Variants in OOSP4B observed in about 807,000 individuals in gnomAD.
The protein encoded by OOSP4B is oocyte-secreted protein 4B.
intron 1 of OOSP4B, chr11:60,021,648 A>G (rs1428541677): frequency 6.6e-6 from 1 of 152,230 alleles, no homozygotes; most frequent in African/African-American, 2.4e-5. Flanking sequence ...AAATGAAGAC[A>G]TTATCTGTCC....
intron 2 of OOSP4B, among the ~76,000 whole-genome samples, chr11:60,024,680 A>G (rs551000160): frequency 1.8e-4 from 27 of 152,332 alleles, no homozygotes; most frequent in African/African-American, 6.3e-4. Context: ...ACAGACCCAG[A>G]GACAATTTTC....
At chr11:60,022,450 T>A (rs746976349) in intron 1 of OOSP4B, 9 of 152,118 alleles carry the variant, frequency 5.9e-5, no homozygotes, top group Admixed American at 1.3e-4. Context: ...AGGAAAATGG[T>A]TTCTCAAAAT....
At position 60,030,791 on chromosome 11, in the gene OOSP4B, CT is replaced by C. The variant is rs1380666227; in HGVS notation, c.451-10del. 4 of 398,072 alleles carry C rather than the reference CT, an allele frequency of 1.0e-5. No individual in the cohort carries two copies. The highest frequency in any genetic ancestry group is 2.1e-5 in the African/African-American group (1 of 48,574). 24.7% of individuals were successfully genotyped at this position (398,072 alleles called of 1,614,324 possible). ...AGCAGCTCTTAACTGCTTTTCCCCC[CT>C]ATCCTACAGGAGCAACTATCCAAGA... On this transcript the variant is annotated splice_polypyrimidine_tract_variant and intron_variant, in intron 4 of 4. Transcript: ENST00000642343.
In OOSP4B at chr11:60,030,665, A is replaced by G. The variant is rs574514729; in HGVS notation, c.451-137A>G. 2.6e-4 allele frequency: 104 copies of G among 395,116 alleles called. 2 individuals are homozygous for G. The South Asian group carries it at 0.013, about 51-fold the overall frequency. 24.5% of individuals were successfully genotyped at this position (395,116 alleles called of 1,614,324 possible). The stretch of plus-strand genomic sequence containing the variant: ...ATATAGCTGGTTAGTTCCATAGATT[A>G]CATTTTAGGGTAGAAATGTGATTTT... On this transcript the variant is annotated intron_variant, in intron 4 of 4. Transcript: ENST00000642343.
At chr11:60,029,285 C>G (rs955728107) in intron 3 of OOSP4B, among the ~76,000 whole-genome samples, 1 of 152,150 alleles carries the variant, frequency 6.6e-6, no homozygotes, top group African/African-American at 2.4e-5. Context: ...ACTACAACTC[C>G]TAAGATAGGA....
intron 1 of OOSP4B, among the ~76,000 whole-genome samples, 191 bp downstream of exon 1, chr11:60,017,604 T>C (rs1280431270): frequency 6.6e-6 from 1 of 152,222 alleles, no homozygotes; most frequent in Admixed American, 6.5e-5. Context: ...CTGTTTCTAT[T>C]ACTCAGTTAA....
intron 1 of OOSP4B, 120 bp downstream of exon 1, chr11:60,017,533 C>T (rs547922777): frequency 5.0e-6 from 2 of 397,012 alleles, no homozygotes; most frequent in East Asian, 7.1e-5. Flanking sequence ...TAAAACACTG[C>T]TGTGTAAAAA....
intron 3 of OOSP4B, among the ~76,000 whole-genome samples, chr11:60,027,205 C>T (rs1448110022): frequency 6.6e-6 from 1 of 152,100 alleles, no homozygotes. Context: ...TGGGAATGAA[C>T]ACTACAGCTC....
At chr11:60,023,664 C>T (rs1343018024) in intron 1 of OOSP4B, among the ~76,000 whole-genome samples, 1 of 152,188 alleles carries the variant, frequency 6.6e-6, no homozygotes. Context: ...GAACTCCTGA[C>T]CTCAGGTGAT....
intron 2 of OOSP4B, among the ~76,000 whole-genome samples, chr11:60,024,347 C>T (rs982540993): frequency 1.3e-5 from 2 of 152,168 alleles, no homozygotes; most frequent in African/African-American, 4.8e-5. Flanking sequence ...TGAGACCAAC[C>T]TGGTCAACAT....
At chr11:60,018,721 T>G (rs1046689894) in intron 1 of OOSP4B, among the ~76,000 whole-genome samples, 1 of 152,232 alleles carries the variant, frequency 6.6e-6, no homozygotes, top group African/African-American at 2.4e-5. Flanking sequence ...CAGACTTGGC[T>G]TCTCTGTTAC....
intron 1 of OOSP4B, among the ~76,000 whole-genome samples, chr11:60,021,840 T>C (rs534838213): frequency 6.6e-6 from 1 of 151,996 alleles, no homozygotes; most frequent in East Asian, 1.9e-4. Flanking sequence ...AAAAAGTAGC[T>C]GGGTGTGGTG....
At chr11:60,020,931 G>T (rs761741725) in intron 1 of OOSP4B, among the ~76,000 whole-genome samples, 5 of 152,204 alleles carry the variant, frequency 3.3e-5, no homozygotes, top group Non-Finnish European at 7.3e-5. Flanking sequence ...CCTAGCTCCT[G>T]CTCCCAGAGT....
At chr11:60,024,860 C>A (rs1365891804) in intron 2 of OOSP4B, 48 bp from the exon 3 acceptor site, 3 of 397,694 alleles carry the variant, frequency 7.5e-6, no homozygotes, top group Non-Finnish European at 1.3e-5. Flanking sequence ...CATTAAGCCA[C>A]CAAAAGAATT....
intron 1 of OOSP4B, among the ~76,000 whole-genome samples, chr11:60,022,602 G>A (rs1854703906): frequency 6.6e-6 from 1 of 152,182 alleles, no homozygotes; most frequent in African/African-American, 2.4e-5. Flanking sequence ...ACAGAGTTCT[G>A]TAGATCCTTG....
At chr11:60,017,450 C>A in intron 1 of OOSP4B, 37 bp downstream of exon 1, 1 of 398,592 alleles carries the variant, frequency 2.5e-6, no homozygotes, top group Non-Finnish European at 4.4e-6. Flanking sequence ...TTTTGGAATT[C>A]TTCTGGATTC....
chr11:60,024,313 G>C (rs1854723894), intron 2 of OOSP4B, among the ~76,000 whole-genome samples: 1 of 152,186 alleles, frequency 6.6e-6, no homozygotes, highest in Admixed American at 6.5e-5. Context: ...GCTGGGGTGG[G>C]TGGATCACCT....
rs373763909 is a variant in OOSP4B, at chr11:60,020,378, G to A, written c.22+2965G>A. Among the ~76,000 whole-genome samples the A allele has an allele frequency of 4.0e-3, 608 of 152,244 alleles. 7 individuals are homozygous for A. The highest frequency in any genetic ancestry group is 0.014 in the African/African-American group (562 of 41,568). On this transcript the variant is annotated intron_variant, in intron 1 of 4. Coordinates refer to ENST00000642343, the Ensembl canonical transcript of OOSP4B. ...GTGGGGGAGGAGGCTCAGGCATGGC[G>A]GGCTGCAGGTCCCCAGCCCTGCCCC...
intron 1 of OOSP4B, among the ~76,000 whole-genome samples, chr11:60,019,030 A>G (rs1373583519): frequency 6.6e-6 from 1 of 152,080 alleles, no homozygotes; most frequent in Non-Finnish European, 1.5e-5. Context: ...CAGCCTGACC[A>G]ATATGGCGAA....
Sources: allele counts gnomAD v4.1 joint callset (sites outside exome capture counted in the v4.1 genomes callset), GRCh38; gene constraint gnomAD v4.1.1; transcripts MANE v1.5; gene names NCBI Gene and HGNC (gene_info 2026-07-23, HGNC 2026-07-21).